The following WDHD1 variants were observed in gnomAD, a reference collection of about 807,000 sequenced individuals.
WDHD1 encodes the protein WD repeat and HMG-box DNA-binding protein 1.
WDHD1 carries 111 observed loss-of-function variants against 135.4 expected under a neutral mutation model. The ratio of observed to expected loss-of-function variants is 0.82; its 90% CI spans 0.70 to 0.96. WDHD1 has a LOEUF of 0.96. Among genes scored for constraint, WDHD1 ranks in the 40% least tolerant of loss-of-function variants. WDHD1 has a pLI of 0.00. For missense variants in WDHD1, 1,351 were observed against 1,336.3 expected, an observed-to-expected ratio of 1.01 and a Z score of -0.17; for synonymous variants, 434 against 439.0, an observed-to-expected ratio of 0.99 and a Z score of 0.14.
chr14:54,964,573 A>T (rs1222144383), intron 18 of WDHD1, among the ~76,000 whole-genome samples: 1 of 151,974 alleles, frequency 6.6e-6, no homozygotes, highest in Non-Finnish European at 1.5e-5. Flanking sequence ...TGGGAGGCGG[A>T]GCTTGCAGTG....
At chr14:55,009,917 T>A (rs2042138720) in intron 4 of WDHD1, among the ~76,000 whole-genome samples, 1 of 151,964 alleles carries the variant, frequency 6.6e-6, no homozygotes. Flanking sequence ...GCCTCCTAGG[T>A]TCAAGTGATT....
chr14:54,942,483 A>C (rs1358635906), intron 25 of WDHD1, among the ~76,000 whole-genome samples: 2 of 151,992 alleles, frequency 1.3e-5, no homozygotes, highest in African/African-American at 4.8e-5. Context: ...GTATGTATGT[A>C]TTTACTTTTA....
intron 10 of WDHD1, among the ~76,000 whole-genome samples, chr14:54,999,427 T>G (rs143372995): frequency 2.6e-5 from 4 of 152,328 alleles, no homozygotes; most frequent in Admixed American, 1.3e-4. Flanking sequence ...TCACCTCTCC[T>G]GTTTTCAGCC....
At chr14:54,967,748 G>A (rs189164215) in intron 16 of WDHD1, among the ~76,000 whole-genome samples, 20 of 152,118 alleles carry the variant, frequency 1.3e-4, no homozygotes, top group African/African-American at 4.6e-4. Flanking sequence ...AGCCTCCCAA[G>A]TAGCTGGGAC....
chr14:55,016,099 TA>T (rs749369782), intron 2 of WDHD1, among the ~76,000 whole-genome samples: 4 of 152,228 alleles, frequency 2.6e-5, no homozygotes, highest in Admixed American at 6.5e-5. Flanking sequence ...TGAAATATAG[TA>T]GAATTAATAA....
chr14:55,005,523 C>T, intron 7 of WDHD1: 1 of 573,412 alleles, frequency 1.7e-6, no homozygotes, highest in Non-Finnish European at 3.3e-6. Context: ...AGAAGCTTCT[C>T]CCAGGTCCTC....
chr14:55,000,979 A>T lies in WDHD1; in HGVS notation c.707T>A (p.Val236Glu). The T allele has an allele frequency of 6.4e-7, 1 of 1,573,022 alleles. No homozygotes were observed. The highest frequency in any genetic ancestry group is 8.6e-7 in the Non-Finnish European group (1 of 1,160,724). Residue 236 changes from valine (V) to glutamate (E), a missense_variant, in exon 9 of 26, where the codon GTA becomes GAA. Physicochemically the swap from Val to Glu is moderately radical, Grantham distance 121 (BLOSUM62 -2). Transcript: ENST00000360586. ...DNFISQTLNI[V>E]TWSPCGQYLA... ...ATATTGCCCACAGGGAGACCAGGTT[A>T]CTATATTGAGGGTCTGTAAAGAAAA...
chr14:54,975,831 T>G (rs2041516146), intron 16 of WDHD1, among the ~76,000 whole-genome samples: 1 of 152,138 alleles, frequency 6.6e-6, no homozygotes. Context: ...TGACACGCTC[T>G]CAAATGAATT....
chr14:55,020,524 C>T (rs887282687), intron 2 of WDHD1, among the ~76,000 whole-genome samples: 3 of 152,100 alleles, frequency 2.0e-5, no homozygotes, highest in Admixed American at 6.5e-5. Context: ...TTGGAGTATC[C>T]TTGAACCTCT....
At chr14:54,947,899 T>C (rs1230518321) in intron 24 of WDHD1, among the ~76,000 whole-genome samples, 1 of 151,482 alleles carries the variant, frequency 6.6e-6, no homozygotes, top group Non-Finnish European at 1.5e-5. Flanking sequence ...GCCAAAATTG[T>C]GACTTTTCAA....
rs56298796 is a variant in WDHD1 at position 55,005,901 on chromosome 14, G to A, written c.600+1379C>T. Among the ~76,000 whole-genome samples the A allele has an allele frequency of 4.6e-3, 688 of 150,558 alleles. 10 individuals carry two copies. The highest frequency in any genetic ancestry group is 0.016 in the African/African-American group (672 of 40,946). The stretch of plus-strand genomic sequence containing the variant: ...TATTTTTAAGGCAGGGTTTTGCTTT[G>A]TTGCCTAGGCTGGAGTACAGTGACA... On this transcript the variant is annotated intron_variant, in intron 7 of 25. Transcript: ENST00000360586.
At chr14:55,004,754 A>G (rs546615527) in intron 7 of WDHD1, 4 of 381,644 alleles carry the variant, frequency 1.0e-5, no homozygotes, top group Non-Finnish European at 2.1e-5. Context: ...AGCCCGACCC[A>G]ATGTTTATTT....
intron 7 of WDHD1, chr14:55,005,171 A>G: frequency 1.9e-6 from 1 of 539,688 alleles, no homozygotes; most frequent in Non-Finnish European, 3.6e-6. Flanking sequence ...CCACCACATC[A>G]ATCCCACTGA....
rs776952671 is a variant in WDHD1 at position 54,963,165 on chromosome 14, C to T, written c.2318G>A (p.Cys773Tyr). Residue 773 changes from cysteine to tyrosine, a missense_variant, in exon 19 of 26, where the codon TGT becomes TAT. By Grantham distance (194) the Cys-to-Tyr change is radical (BLOSUM62 -2). This residue lies in a region of WDHD1 where 1,330 missense variants were observed against 1,296.1 expected (regional missense o/e 1.03). Transcript: ENST00000360586. ...ELLMKMLALSCKLEREFRCVE... is the reference protein window; with the variant it reads ...ELLMKMLALSYKLEREFRCVE... ...ACAACGGAATTCTCGCTCCAGTTTA[C>T]AAGAAAGCTAATCCAAAAAGGGGGG... 4 of 434,240 alleles carry T rather than the reference C, an allele frequency of 9.2e-6. No homozygotes were observed. The highest frequency in any genetic ancestry group is 4.2e-5 in the Admixed American group (1 of 23,546). 26.9% of individuals were successfully genotyped at this position (434,240 alleles called of 1,614,324 possible). A position where few individuals can be genotyped will look rare whatever the true frequency, so the allele number is the denominator to read the frequency against.
intron 14 of WDHD1, 97 bp from the exon 15 acceptor site, chr14:54,984,957 C>G: frequency 6.9e-7 from 1 of 1,458,012 alleles, no homozygotes; most frequent in Non-Finnish European, 9.3e-7. Flanking sequence ...TGGTAAATTA[C>G]TAGACTGACT....
chr14:54,948,053 T>C (rs549353239), intron 24 of WDHD1, among the ~76,000 whole-genome samples: 14 of 151,914 alleles, frequency 9.2e-5, no homozygotes, highest in Non-Finnish European at 1.6e-4. Flanking sequence ...TCGTCTCTAC[T>C]AAAGATACAA....
chr14:54,941,493 C>T lies in WDHD1; in HGVS notation c.3387G>A (p.Glu1129=). The part of the protein sequence containing the change: ...QKLSAFAFKQ[E] ...TCCCTAGGGTCACTTTCTTCCTTTA[C>T]TCCTGCTTAAATGCAAAAGCTGATA... Residue 1129 remains glutamate (E), a synonymous_variant, in exon 26 of 26, where the codon GAG becomes GAA. Coordinates refer to ENST00000360586, the MANE Select transcript of WDHD1 (RefSeq NM_007086.4). 1 of 1,609,250 alleles carries T rather than the reference C, an allele frequency of 6.2e-7. No homozygotes were observed. Among genetic ancestry groups the T allele is most frequent in the Non-Finnish European group, 8.5e-7 (1 of 1,178,898 alleles).
intron 24 of WDHD1, among the ~76,000 whole-genome samples, chr14:54,952,675 G>A (rs560852948): frequency 2.4e-4 from 37 of 152,230 alleles, no homozygotes; most frequent in South Asian, 4.2e-4. Flanking sequence ...AAAAGAGCCC[G>A]CATTGCCAAG....
intron 16 of WDHD1, among the ~76,000 whole-genome samples, chr14:54,971,875 AACAGAC>A (rs1373897120): frequency 6.6e-6 from 1 of 152,148 alleles, no homozygotes; most frequent in East Asian, 1.9e-4. Flanking sequence ...AAAGGACATG[AACAGAC>A]ACTTTTCAAA....
Sources: allele counts gnomAD v4.1 joint callset (sites outside exome capture counted in the v4.1 genomes callset), GRCh38; gene constraint gnomAD v4.1.1; regional missense constraint gnomAD v4.1.1; transcripts MANE v1.5; gene names NCBI Gene and HGNC (gene_info 2026-07-23, HGNC 2026-07-21).